The following NPIPB6 variants were observed in gnomAD, a reference collection of about 807,000 sequenced individuals.
The protein encoded by NPIPB6 is nuclear pore complex-interacting protein family member B6.
Under a neutral mutation model 20.0 loss-of-function variants are expected in NPIPB6, and 2 were observed. That is an observed-to-expected ratio of 0.10 (90% CI 0.04 to 0.31). The LOEUF (loss-of-function observed/expected upper bound fraction) is 0.31. NPIPB6 is among the 10% of genes least tolerant of loss of function. NPIPB6 has a pLI of 1.00. For synonymous variants in NPIPB6, 35 were observed against 116.3 expected (o/e 0.30, Z 4.50); for missense variants, 96 against 293.7 (o/e 0.33, Z 4.92).
At chr16:28,351,721 A>G (rs2045234343) in intron 2 of NPIPB6, among the ~76,000 whole-genome samples, 1 of 110,540 alleles carries the variant, frequency 9.0e-6, no homozygotes, top group African/African-American at 3.0e-5. Context: ...ACTAAGTGGC[A>G]TAGAGAATGT....
At chr16:28,342,844 T>A (rs1413002399) in exon 7 of NPIPB6, 1 of 1,567,874 alleles carries the variant, frequency 6.4e-7, no homozygotes, top group Admixed American at 1.9e-5. Flanking sequence ...CCTGAGTAGC[T>A]AAGGGAGGAG....
At chr16:28,350,096 C>G (rs1397709419) in intron 2 of NPIPB6, among the ~76,000 whole-genome samples, 2 of 97,590 alleles carry the variant, frequency 2.0e-5, no homozygotes, top group African/African-American at 6.7e-5. Flanking sequence ...ACTCGGGAGG[C>G]TGAGGCAGGA....
intron 4 of NPIPB6, among the ~76,000 whole-genome samples, chr16:28,347,999 A>T (rs1355400762): frequency 8.4e-6 from 1 of 119,042 alleles, no homozygotes; most frequent in Non-Finnish European, 1.9e-5. Context: ...AGTCCCAGCT[A>T]CTCAAGAGGC....
At chr16:28,360,145 G>A (rs2045399575) in intron 1 of NPIPB6, among the ~76,000 whole-genome samples, 1 of 127,706 alleles carries the variant, frequency 7.8e-6, no homozygotes, top group Non-Finnish European at 1.8e-5. Context: ...CGACACGGGG[G>A]CACTGTCAGT....
At chr16:28,360,701 C>T (rs1567234260) in intron 1 of NPIPB6, among the ~76,000 whole-genome samples, 1 of 136,626 alleles carries the variant, frequency 7.3e-6, no homozygotes, top group Admixed American at 7.6e-5. Context: ...TTGCTTTGAC[C>T]CAAGAGATGT....
exon 7 of NPIPB6, chr16:28,343,089 G>T (rs1367629790): frequency 6.9e-7 from 1 of 1,456,792 alleles, no homozygotes; most frequent in Non-Finnish European, 9.4e-7. Flanking sequence ...GTTGGAGGAG[G>T]TGGCTGGCGG....
At chr16:28,356,651 T>C in intron 1 of NPIPB6, 2 of 131,362 alleles carry the variant, frequency 1.5e-5, no homozygotes, top group South Asian at 8.2e-5. Flanking sequence ...GAGGTGGAGG[T>C]GGCTTAGGGC....
At chr16:28,355,349 T>A (rs1596577153) in intron 1 of NPIPB6, among the ~76,000 whole-genome samples, 1 of 139,324 alleles carries the variant, frequency 7.2e-6, no homozygotes, top group Non-Finnish European at 1.6e-5. Flanking sequence ...CACAAAAGAG[T>A]ACCTATGGCA....
At chr16:28,343,181 A>G in exon 7 of NPIPB6, 1 of 1,585,286 alleles carries the variant, frequency 6.3e-7, no homozygotes, top group South Asian at 1.1e-5. Context: ...CGCTGCCACC[A>G]TTCTGACCTG....
Position 28,342,714 on chromosome 16 carries a change from GC to G in NPIPB6, c.1170del (p.Arg390SerfsTer18), listed in dbSNP as rs2045004571. ...AATTGTTGTGCCTCGGCCTCCCTCT[GC>G]CTCTTGGGCTTGGGCGATTGTTCCA... On this transcript the variant is annotated frameshift_variant, in exon 7 of 7. Coordinates refer to ENST00000532254, the Ensembl canonical transcript of NPIPB6. LOFTEE classifies it high-confidence loss of function. 6.5e-7 allele frequency: 1 copy of G among 1,549,842 alleles called. No individual in the cohort carries two copies. The highest frequency in any genetic ancestry group is 1.2e-5 in the South Asian group (1 of 84,084).
rs1752789984 is a variant in NPIPB6, at chr16:28,353,039, TAGAC to T, written c.139_142del (p.Val47IlefsTer10). The T allele has an allele frequency of 1.2e-5, 2 of 167,560 alleles. No individual in the cohort carries two copies. Among genetic ancestry groups the T allele is most frequent in the Non-Finnish European group, 2.1e-5 (2 of 96,218 alleles). The allele number at this position is 167,560 out of a possible 1,614,324, so 10.4% of individuals were successfully genotyped here. On this transcript the variant is annotated frameshift_variant, in exon 2 of 7. Coordinates refer to ENST00000532254, the Ensembl canonical transcript of NPIPB6. LOFTEE classifies it high-confidence loss of function. Reference sequence around the variant, plus strand: ...ACCAAAGTCAGTCTCACGATGACGATAGACAGCCAGACTATTGATAACCTGGAAT... The same window carrying T: ...ACCAAAGTCAGTCTCACGATGACGATAGCCAGACTATTGATAACCTGGAAT...
exon 7 of NPIPB6, chr16:28,342,749 A>C: frequency 6.4e-7 from 1 of 1,563,682 alleles, no homozygotes; most frequent in Non-Finnish European, 8.7e-7. Flanking sequence ...CACCTCATCC[A>C]CCCTCCGCCT....
chr16:28,348,013 G>A (rs2141612790), intron 4 of NPIPB6, among the ~76,000 whole-genome samples: 1 of 119,960 alleles, frequency 8.3e-6, no homozygotes, highest in East Asian at 2.2e-4. Context: ...AAGAGGCTGA[G>A]GGATAAGAAT....
At position 28,347,712 on chromosome 16, in the gene NPIPB6, GC is replaced by G. The variant is rs1376529271; in HGVS notation, c.599+1121del. 4.3e-5 allele frequency among the ~76,000 whole-genome samples: 5 copies of G among 116,898 alleles called. 1 individual carries two copies. Among genetic ancestry groups the G allele is most frequent in the Non-Finnish European group, 4.0e-5 (2 of 49,934 alleles). The allele number at this position is 116,898 out of a possible 152,430, so 76.7% of individuals were successfully genotyped here. ...CCAAGCATTGAATTCAACAATCCAG[GC>G]TGGGTGCGGTGGCTCACACTGGGAG... On this transcript the variant is annotated intron_variant, in intron 4 of 6. Coordinates refer to ENST00000532254, the Ensembl canonical transcript of NPIPB6.
chr16:28,348,000 C>A (rs1428623753), intron 4 of NPIPB6, among the ~76,000 whole-genome samples: 2 of 119,300 alleles, frequency 1.7e-5, no homozygotes, highest in African/African-American at 5.7e-5. Context: ...GTCCCAGCTA[C>A]TCAAGAGGCT....
At chr16:28,360,702 C>T (rs1203482851) in intron 1 of NPIPB6, among the ~76,000 whole-genome samples, 1 of 136,620 alleles carries the variant, frequency 7.3e-6, no homozygotes, top group East Asian at 2.0e-4. Flanking sequence ...TGCTTTGACC[C>T]AAGAGATGTG....
chr16:28,342,975 G>C (rs1247759470), exon 7 of NPIPB6: 33 of 1,576,668 alleles, frequency 2.1e-5, no homozygotes, highest in African/African-American at 2.8e-5. Flanking sequence ...GGAGCAAGAG[G>C]ACACTCCTTG....
intron 2 of NPIPB6, among the ~76,000 whole-genome samples, chr16:28,349,699 A>T (rs1596571471): frequency 9.7e-6 from 1 of 102,606 alleles, no homozygotes; most frequent in South Asian, 2.9e-4. Context: ...GACCAGCCTC[A>T]CCAACATGGA....
rs373445914 is a variant in NPIPB6 at position 28,342,679 on chromosome 16, G to C, written c.1206C>G (p.Pro402=). ...TCAGCTTACTCAACCTCCGCCTCTTGGGTTTGGGTAATTGTTGTGCCTCGG... is the reference window on the plus strand; with the variant it reads ...TCAGCTTACTCAACCTCCGCCTCTTCGGTTTGGGTAATTGTTGTGCCTCGG... The change falls in exon 7 of 7, where the codon CCC becomes CCG. Residue 402 remains proline, a synonymous_variant. Coordinates refer to ENST00000532254, the Ensembl canonical transcript of NPIPB6. 7,095 of 1,544,306 alleles carry C rather than the reference G, an allele frequency of 4.6e-3. 212 individuals are homozygous for C. The East Asian group carries it at 0.092, about 20-fold the overall frequency.
Sources: allele counts gnomAD v4.1 joint callset (sites outside exome capture counted in the v4.1 genomes callset), GRCh38; gene constraint gnomAD v4.1.1; transcripts MANE v1.5; gene names NCBI Gene and HGNC (gene_info 2026-07-23, HGNC 2026-07-21).